Variants in ARCN1 observed in about 807,000 individuals in gnomAD.
ARCN1 encodes the protein archain 1 coat protein complex I subunit delta.
A neutral mutation model predicts 60.4 loss-of-function variants in ARCN1; 5 were observed. The ratio of observed to expected loss-of-function variants is 0.08; its 90% CI spans 0.04 to 0.17. The LOEUF is 0.17. Among genes scored for constraint, ARCN1 ranks in the 10% least tolerant of loss-of-function variants. The pLI, the probability that ARCN1 is intolerant of heterozygous loss-of-function variation, is 1.00. For missense variants in ARCN1, 464 were observed against 626.5 expected, an observed-to-expected ratio of 0.74 and a Z score of 2.77; for synonymous variants, 224 against 220.0, an observed-to-expected ratio of 1.02 and a Z score of -0.16.
At chr11:118,600,324 C>T (rs1465952499) in intron 9 of ARCN1, among the ~76,000 whole-genome samples, 1 of 152,170 alleles carries the variant, frequency 6.6e-6, no homozygotes, top group East Asian at 1.9e-4. Context: ...CTATGAATTT[C>T]ATAGGTTATA....
chr11:118,597,661 T>C (rs782764195), intron 8 of ARCN1, 46 bp from the exon 9 acceptor site: 1 of 1,600,334 alleles, frequency 6.2e-7, no homozygotes, highest in Non-Finnish European at 8.5e-7. Flanking sequence ...CGTGGTGGAG[T>C]TCTAGCTCTG....
intron 1 of ARCN1, 130 bp from the exon 2 acceptor site, chr11:118,581,116 T>G: frequency 8.2e-7 from 1 of 1,218,850 alleles, no homozygotes; most frequent in Non-Finnish European, 1.2e-6. Flanking sequence ...TGAGACCCTG[T>G]CTTAAAAATA....
intron 3 of ARCN1, 121 bp from the exon 4 acceptor site, chr11:118,583,688 G>C: frequency 9.7e-7 from 1 of 1,026,300 alleles, no homozygotes; most frequent in South Asian, 1.6e-5. Flanking sequence ...AGCCCAGGAA[G>C]TTGAGGCTGC....
intron 9 of ARCN1, among the ~76,000 whole-genome samples, chr11:118,599,843 G>A (rs1474562189): frequency 6.6e-6 from 1 of 151,926 alleles, no homozygotes; most frequent in Non-Finnish European, 1.5e-5. Context: ...TATGGTCTCC[G>A]TCTCCCCTGT....
intron 5 of ARCN1, among the ~76,000 whole-genome samples, chr11:118,589,318 T>C (rs889232077): frequency 6.6e-6 from 1 of 152,226 alleles, no homozygotes; most frequent in Non-Finnish European, 1.5e-5. Context: ...ATGTCTTCCT[T>C]GTATAATTTT....
intron 8 of ARCN1, among the ~76,000 whole-genome samples, chr11:118,597,262 A>C (rs550528059): frequency 6.6e-6 from 1 of 152,226 alleles, no homozygotes; most frequent in Non-Finnish European, 1.5e-5. Flanking sequence ...CATCTCCACT[A>C]TTGATGTTTA....
Position 118,601,418 on chromosome 11 carries a change from A to T in ARCN1, c.*704A>T, listed in dbSNP as rs1042633345. On this transcript the variant is annotated 3_prime_UTR_variant, in exon 10 of 10. Transcript: ENST00000264028. ...CTAAATATAGTTATATTTCATACTT[A>T]GTTTGTTTTTAAAAAGTTTTCTCTG... 15 of 596,636 alleles carry T rather than the reference A, an allele frequency of 2.5e-5. No individual in the cohort carries two copies. The highest frequency in any genetic ancestry group is 1.5e-4 in the African/African-American group (8 of 53,396). 37.0% of individuals were successfully genotyped at this position (596,636 alleles called of 1,614,324 possible).
rs1939154750 is a variant in ARCN1 at position 118,601,815 on chromosome 11, A to G, written c.*1101A>G. On this transcript the variant is annotated 3_prime_UTR_variant, in exon 10 of 10. Coordinates refer to ENST00000264028, the MANE Select transcript of ARCN1 (RefSeq NM_001655.5). ...GGCACAGTCCCTCTTCAAGATGTCT[A>G]AAAGAATGGTTATGTCTGTCCAGTT... is the stretch of plus-strand genomic sequence containing the variant. 2 of 684,912 alleles carry G rather than the reference A, an allele frequency of 2.9e-6. No individual in the cohort carries two copies. Among genetic ancestry groups the G allele is most frequent in the African/African-American group, 1.8e-5 (1 of 56,704 alleles). The allele number at this position is 684,912 out of a possible 1,614,324, so 42.4% of individuals were successfully genotyped here.
intron 7 of ARCN1, among the ~76,000 whole-genome samples, chr11:118,593,210 T>C (rs1555076599): frequency 6.6e-6 from 1 of 151,928 alleles, no homozygotes; most frequent in Non-Finnish European, 1.5e-5. Context: ...ACTAGGACTA[T>C]AGGCACATGC....
At chr11:118,593,797 A>C in intron 8 of ARCN1, 99 bp downstream of exon 8, 1 of 648,884 alleles carries the variant, frequency 1.5e-6, no homozygotes, top group Non-Finnish European at 2.6e-6. Flanking sequence ...TGTCCATTCA[A>C]AGATACTTCT....
At chr11:118,585,538 T>C (rs1938759351) in intron 5 of ARCN1, among the ~76,000 whole-genome samples, 1 of 152,140 alleles carries the variant, frequency 6.6e-6, no homozygotes, top group African/African-American at 2.4e-5. Context: ...TGCATTTTTA[T>C]TTTATTTATT....
At chr11:118,580,059 A>G (rs1938616618) in intron 1 of ARCN1, among the ~76,000 whole-genome samples, 1 of 152,324 alleles carries the variant, frequency 6.6e-6, no homozygotes, top group East Asian at 1.9e-4. Context: ...GTGGTGACTC[A>G]TGCTTGTAAT....
intron 8 of ARCN1, among the ~76,000 whole-genome samples, chr11:118,597,143 G>A (rs1939043886): frequency 6.6e-6 from 1 of 152,216 alleles, no homozygotes; most frequent in Non-Finnish European, 1.5e-5. Context: ...GGAGGCGGAG[G>A]TTGCAGTGAG....
At chr11:118,574,591 C>T (rs1049080022) in intron 1 of ARCN1, among the ~76,000 whole-genome samples, 2 of 151,778 alleles carry the variant, frequency 1.3e-5, no homozygotes, top group African/African-American at 4.8e-5. Flanking sequence ...GATATCAGTA[C>T]GTAAACATTG....
Position 118,602,516 on chromosome 11 carries a change from T to C in ARCN1, c.*1802T>C, listed in dbSNP as rs1047079. 0.12 allele frequency: 17,967 copies of C among 153,760 alleles called. 1,853 individuals carry two copies. The highest frequency in any genetic ancestry group is 0.52 in the East Asian group (2,669 of 5,172). 9.5% of individuals were successfully genotyped at this position (153,760 alleles called of 1,614,324 possible). A position where few individuals can be genotyped will look rare whatever the true frequency, so the allele number is the denominator to read the frequency against. On this transcript the variant is annotated 3_prime_UTR_variant, in exon 10 of 10. Coordinates refer to ENST00000264028, the MANE Select transcript of ARCN1 (RefSeq NM_001655.5). ...AACATCTGGCCGTCCCTGCAAAGAG[T>C]GTACTGTGCTTGAAGCAGAGCACTC...
chr11:118,593,786 C>A, intron 8 of ARCN1, 88 bp downstream of exon 8: 1 of 739,560 alleles, frequency 1.4e-6, no homozygotes, highest in Non-Finnish European at 2.2e-6. Context: ...CCTGACCTGA[C>A]TGTCCATTCA....
chr11:118,572,710 T>C, intron 1 of ARCN1, 160 bp downstream of exon 1: 2 of 781,284 alleles, frequency 2.6e-6, no homozygotes, highest in Non-Finnish European at 4.0e-6. Context: ...CTGTGCCCGG[T>C]CTCCTGGAGA....
intron 5 of ARCN1, among the ~76,000 whole-genome samples, chr11:118,589,562 C>T (rs1017192914): frequency 1.3e-5 from 2 of 152,002 alleles, no homozygotes; most frequent in African/African-American, 4.8e-5. Flanking sequence ...CCTGAGTAGG[C>T]GCCCGTCACC....
At chr11:118,574,134 T>C (rs1342061599) in intron 1 of ARCN1, among the ~76,000 whole-genome samples, 5 of 152,194 alleles carry the variant, frequency 3.3e-5, no homozygotes, top group African/African-American at 1.2e-4. Context: ...TATTTTGACA[T>C]GTGTACGTAT....
Sources: gnomAD v4.1 joint callset for allele counts (sites outside exome capture counted in the v4.1 genomes callset) on GRCh38, gnomAD v4.1.1 for gene constraint, MANE v1.5 for transcripts, NCBI Gene and HGNC (gene_info 2026-07-23, HGNC 2026-07-21) for gene names.